RANBP2: variants seen among roughly 807,000 people sequenced by gnomAD.
RANBP2 encodes the protein E3 SUMO-protein ligase RanBP2.
A neutral mutation model predicts 303.6 loss-of-function variants in RANBP2; 57 were observed. The ratio of observed to expected loss-of-function variants is 0.19; its 90% CI spans 0.15 to 0.23. The LOEUF (loss-of-function observed/expected upper bound fraction) is 0.23. Among genes scored for constraint, RANBP2 ranks in the 10% least tolerant of loss-of-function variants. RANBP2 has a pLI of 1.00. For missense variants in RANBP2, 3,138 were observed against 3,780.8 expected (o/e 0.83, Z 4.46); for synonymous variants, 1,167 against 1,301.5 (o/e 0.90, Z 2.23).
the RANBP2 span, among the ~76,000 whole-genome samples, chr2:109,167,094 T>C: frequency 6.6e-6 from 1 of 152,222 alleles, no homozygotes; most frequent in East Asian, 1.9e-4. Context: ...GTTAAATTAA[T>C]AGCAGAACTG....
the RANBP2 span, among the ~76,000 whole-genome samples, chr2:109,296,362 G>A: frequency 1.3e-5 from 2 of 151,944 alleles, no homozygotes; most frequent in Non-Finnish European, 2.9e-5. Flanking sequence ...CGAGTAGCTG[G>A]GATTACAGGT....
chr2:109,199,910 C>T, the RANBP2 span, among the ~76,000 whole-genome samples: 1 of 20,226 alleles, frequency 4.9e-5, no homozygotes, highest in South Asian at 1.3e-3. Context: ...TGTACACAAC[C>T]TTCAGTCTAT....
the RANBP2 span, among the ~76,000 whole-genome samples, chr2:108,859,677 A>G: frequency 6.6e-6 from 1 of 152,148 alleles, no homozygotes; most frequent in Non-Finnish European, 1.5e-5. Context: ...TTTATATACC[A>G]GTACCATGGT....
At chr2:109,333,552 C>T in the RANBP2 span, among the ~76,000 whole-genome samples, 1 of 152,164 alleles carries the variant, frequency 6.6e-6, no homozygotes, top group Non-Finnish European at 1.5e-5. Context: ...ACAATCTCAC[C>T]CACTAATTTA....
the RANBP2 span, among the ~76,000 whole-genome samples, chr2:109,484,226 T>C: frequency 2.0e-5 from 3 of 152,006 alleles, no homozygotes; most frequent in Admixed American, 1.3e-4. Flanking sequence ...GCCACCACGC[T>C]CAGCTAATTC....
chr2:108,864,176 A>T, the RANBP2 span, among the ~76,000 whole-genome samples: 1 of 152,342 alleles, frequency 6.6e-6, no homozygotes, highest in South Asian at 2.1e-4. Flanking sequence ...AAAAAAAACA[A>T]AACATTGCAT....
At chr2:108,926,074 G>A in the RANBP2 span, among the ~76,000 whole-genome samples, 1 of 152,160 alleles carries the variant, frequency 6.6e-6, no homozygotes, top group Non-Finnish European at 1.5e-5. Flanking sequence ...TCTCTCTGTA[G>A]GACTAGGCTA....
At chr2:109,441,399 A>G in the RANBP2 span, among the ~76,000 whole-genome samples, 3 of 152,218 alleles carry the variant, frequency 2.0e-5, no homozygotes, top group African/African-American at 7.2e-5. Flanking sequence ...ACAGTGTGTG[A>G]GATCAAGAAT....
rs545820648 is a variant in RANBP2 at position 108,753,279 on chromosome 2, A to T, written c.1917+120A>T. The T allele has an allele frequency of 3.1e-6, 5 of 1,604,904 alleles. No individual in the cohort carries two copies. The African/African-American group carries it at 5.4e-5, about 17-fold the overall frequency. ...TTATTTAATGGTAATCTTGTTTTCT[A>T]AATTCACTAGCTCTCACACATAAGA... On this transcript the variant is annotated intron_variant, in intron 13 of 28. Coordinates refer to ENST00000283195, the MANE Select transcript of RANBP2 (RefSeq NM_006267.5).
the RANBP2 span, among the ~76,000 whole-genome samples, chr2:108,973,961 C>T: frequency 4.1e-4 from 62 of 152,292 alleles, no homozygotes; most frequent in African/African-American, 1.4e-3. Context: ...ACAAAAGGCT[C>T]AACAATCCAC....
the RANBP2 span, among the ~76,000 whole-genome samples, chr2:109,388,953 G>T: frequency 6.6e-6 from 1 of 152,196 alleles, no homozygotes; most frequent in African/African-American, 2.4e-5. Flanking sequence ...GGGCTGCAGT[G>T]TGCAGCCACC....
the RANBP2 span, among the ~76,000 whole-genome samples, chr2:109,656,843 T>C: frequency 6.6e-6 from 1 of 152,090 alleles, no homozygotes; most frequent in Admixed American, 6.5e-5. Flanking sequence ...AAGAGATAAA[T>C]GGAGAGTAGA....
chr2:109,616,107 T>G, the RANBP2 span: 1 of 1,451,930 alleles, frequency 6.9e-7, no homozygotes, highest in Middle Eastern at 2.3e-4. Context: ...TTATTTGTCT[T>G]AATAAATTGA....
At chr2:109,737,394 C>A in the RANBP2 span, 18 of 655,652 alleles carry the variant, frequency 2.7e-5, no homozygotes, top group Non-Finnish European at 4.4e-5. Flanking sequence ...TCCTTTCTTG[C>A]AAAAACTGCT....
the RANBP2 span, among the ~76,000 whole-genome samples, chr2:109,196,860 G>A: frequency 6.6e-6 from 1 of 152,218 alleles, no homozygotes; most frequent in South Asian, 2.1e-4. Flanking sequence ...AGAGACAGAG[G>A]TGGGCCTAGA....
At chr2:109,622,256 G>A in the RANBP2 span, among the ~76,000 whole-genome samples, 1 of 152,164 alleles carries the variant, frequency 6.6e-6, no homozygotes, top group Non-Finnish European at 1.5e-5. Flanking sequence ...GTTCTTAGCA[G>A]TTCAGCTTTG....
chr2:108,904,033 GA>G, the RANBP2 span, among the ~76,000 whole-genome samples: 21 of 152,160 alleles, frequency 1.4e-4, no homozygotes, highest in East Asian at 3.7e-3. Context: ...CTAAACTATA[GA>G]ATGGAGAAAA....
the RANBP2 span, chr2:108,839,371 A>C: frequency 1.5e-6 from 2 of 1,308,992 alleles, no homozygotes; most frequent in Admixed American, 4.1e-5. Flanking sequence ...CTTGTTTCAC[A>C]ATATCTGTTT....
At chr2:109,321,224 C>T in the RANBP2 span, among the ~76,000 whole-genome samples, 1 of 152,204 alleles carries the variant, frequency 6.6e-6, no homozygotes, top group Non-Finnish European at 1.5e-5. Context: ...GAACTCAAAC[C>T]TTATATCCTC....
Sources: gnomAD v4.1 joint callset for allele counts (sites outside exome capture counted in the v4.1 genomes callset) on GRCh38, gnomAD v4.1.1 for gene constraint, MANE v1.5 for transcripts, NCBI Gene and HGNC (gene_info 2026-07-23, HGNC 2026-07-21) for gene names.